Variants in SPDYE5 observed in about 807,000 individuals in gnomAD.
SPDYE5 encodes speedy/RINGO cell cycle regulator family member E5.
In SPDYE5, 15 loss-of-function variants were observed where a neutral mutation model predicts 48.5. The observed-to-expected ratio is 0.31, with a 90% CI of 0.21 to 0.48. The LOEUF (loss-of-function observed/expected upper bound fraction) is 0.48. SPDYE5 is among the 20% of genes least tolerant of loss of function. The probability of loss-of-function intolerance (pLI) is 0.99; values close to 1 mark genes in which losing one functional copy is unlikely to be tolerated. For missense variants in SPDYE5, 331 were observed against 549.1 expected, an observed-to-expected ratio of 0.60 and a Z score of 3.97; for synonymous variants, 116 against 200.7, an observed-to-expected ratio of 0.58 and a Z score of 3.57.
chr7:75,498,215 C>A, intron 5 of SPDYE5, among the ~76,000 whole-genome samples: 1 of 150,056 alleles, frequency 6.7e-6, no homozygotes, highest in Non-Finnish European at 1.5e-5. Flanking sequence ...GCCGATGCCT[C>A]CCGGGTTCAA....
chr7:75,494,171 C>T lies in SPDYE5; in HGVS notation c.124C>T (p.Gln42Ter). The change falls in exon 2 of 9, where the codon CAG becomes TAG. Residue 42 changes from glutamine (Q) to a stop codon, truncating the protein, a stop_gained. Transcript: ENST00000625065. LOFTEE classifies it high-confidence loss of function. The part of the protein sequence containing the change: ...PQRSTSGYPL[Q>*]EVVDDEVLGP... ...GCGGAGCACCTCGGGGTACCCCCTC[C>T]AGGAGGTGGTGGATGATGAAGTGTT... 6.5e-7 allele frequency: 1 copy of T among 1,535,058 alleles called. No homozygotes were observed. The highest frequency in any genetic ancestry group is 1.2e-5 in the South Asian group (1 of 83,962).
At chr7:75,500,721 A>T (rs1384581586) in intron 6 of SPDYE5, among the ~76,000 whole-genome samples, 1 of 151,926 alleles carries the variant, frequency 6.6e-6, no homozygotes, top group Non-Finnish European at 1.5e-5. Context: ...TGTTTGTTTG[A>T]TTATTGAGAT....
intron 6 of SPDYE5, among the ~76,000 whole-genome samples, chr7:75,499,766 C>CAA (rs1207603153): frequency 0.023 from 403 of 17,714 alleles, 12 homozygotes; most frequent in East Asian, 0.11. Flanking sequence ...GACTTTTTCT[C>CAA]AAAAAAAAAA....
intron 8 of SPDYE5, among the ~76,000 whole-genome samples, chr7:75,502,269 A>C (rs1793187436): frequency 7.2e-6 from 1 of 139,850 alleles, no homozygotes; most frequent in Non-Finnish European, 1.5e-5. Context: ...CCTCAAAAAT[A>C]ATCATAAATA....
At chr7:75,498,343 T>C (rs369126698) in intron 5 of SPDYE5, among the ~76,000 whole-genome samples, 1 of 151,880 alleles carries the variant, frequency 6.6e-6, no homozygotes, top group African/African-American at 2.4e-5. Context: ...AGGTTGGTCC[T>C]GAACACCTGA....
At chr7:75,491,775 C>A (rs1402961757), upstream of SPDYE5, among the ~76,000 whole-genome samples, 262 of 126,188 alleles carry the variant, frequency 2.1e-3, 2 homozygotes, top group African/African-American at 7.1e-3. Flanking sequence ...TGCAGTGATG[C>A]AATCTCGGCT....
intron 3 of SPDYE5, among the ~76,000 whole-genome samples, chr7:75,496,032 A>G (rs1334232352): frequency 2.0e-5 from 3 of 150,338 alleles, no homozygotes; most frequent in African/African-American, 4.9e-5. Flanking sequence ...AAAAAAAAAA[A>G]AAGAAGGAAG....
rs1230419483 is a variant in SPDYE5, at chr7:75,503,538, T to C, written c.*751T>C. The C allele has an allele frequency of 1.3e-5, 2 of 152,024 alleles. No homozygotes were observed. The highest frequency in any genetic ancestry group is 2.4e-5 in the African/African-American group (1 of 41,550). The allele number at this position is 152,024 out of a possible 1,614,324, so 9.4% of individuals were successfully genotyped here. On this transcript the variant is annotated 3_prime_UTR_variant, in exon 9 of 9. Coordinates refer to ENST00000625065, the MANE Select transcript of SPDYE5 (RefSeq NM_001306141.4). ...TCCTGAAGCGAGCACTCTTTTTATCTATGATACTTCCATAATAATCTCTTC... is the reference window on the plus strand; with the variant it reads ...TCCTGAAGCGAGCACTCTTTTTATCCATGATACTTCCATAATAATCTCTTC...
In SPDYE5 at chr7:75,501,614, G is replaced by C. The variant is rs782262479; in HGVS notation, c.1008G>C (p.Lys336Asn). 1.2e-6 allele frequency: 2 copies of C among 1,610,954 alleles called. No individual in the cohort carries two copies. Among genetic ancestry groups the C allele is most frequent in the Non-Finnish European group, 1.7e-6 (2 of 1,178,250 alleles). The change falls in exon 7 of 9, where the codon AAG becomes AAC. Residue 336 changes from lysine to asparagine, a missense_variant. By Grantham distance (94) the Lys-to-Asn change is moderately conservative (BLOSUM62 0). Coordinates refer to ENST00000625065, the MANE Select transcript of SPDYE5 (RefSeq NM_001306141.4). ...KNRSRIPLLR[K>N]RRFQLGRSMN... ...GCTCTCGCATACCCTTGCTCCGTAAGCGTCGGTTCCAGTTAGGCCGTTCCA... is the reference window on the plus strand; with the variant it reads ...GCTCTCGCATACCCTTGCTCCGTAACCGTCGGTTCCAGTTAGGCCGTTCCA...
Position 75,494,142 on chromosome 7 carries a change from C to A in SPDYE5, c.95C>A (p.Pro32His). 6.5e-7 allele frequency: 1 copy of A among 1,535,268 alleles called. No individual in the cohort carries two copies. The highest frequency in any genetic ancestry group is 8.7e-7 in the Non-Finnish European group (1 of 1,146,842). Residue 32 changes from proline to histidine, a missense_variant, in exon 2 of 9, where the codon CCC (proline) becomes CAC (histidine). Transcript: ENST00000625065. ...RQPQPQNEQS[P>H]QRSTSGYPLQ... The stretch of plus-strand genomic sequence containing the variant: ...CCGCAACCCCAGAATGAGCAGAGTC[C>A]CCAGCGGAGCACCTCGGGGTACCCC...
At position 75,499,604 on chromosome 7, in the gene SPDYE5, G is replaced by T. The variant is rs587762363; in HGVS notation, c.755+288G>T. On this transcript the variant is annotated intron_variant, in intron 6 of 8. Transcript: ENST00000625065. Reference sequence around the variant, plus strand: ...CAACATGGCCAAACCCCGTCTCTACGAAAAATAGAAAAATTAGCTGGGCGT... The same window carrying T: ...CAACATGGCCAAACCCCGTCTCTACTAAAAATAGAAAAATTAGCTGGGCGT... Among the ~76,000 whole-genome samples, 6 of 151,762 alleles carry T rather than the reference G, an allele frequency of 4.0e-5. No individual in the cohort carries two copies. In the South Asian group the frequency reaches 6.3e-4, roughly 16 times the overall value.
At chr7:75,492,806 A>T (rs587630961) in intron 1 of SPDYE5, among the ~76,000 whole-genome samples, 63 of 148,002 alleles carry the variant, frequency 4.3e-4, no homozygotes, top group East Asian at 1.9e-3. Flanking sequence ...ATCAAAAAAA[A>T]TTTTTTTGAC....
At chr7:75,500,659 T>G (rs1365467580) in intron 6 of SPDYE5, among the ~76,000 whole-genome samples, 3 of 151,884 alleles carry the variant, frequency 2.0e-5, no homozygotes, top group African/African-American at 7.3e-5. Context: ...TCAGCTTCTT[T>G]ATTAGCTCCG....
intron 1 of SPDYE5, among the ~76,000 whole-genome samples, chr7:75,492,827 G>A (rs1205036387): frequency 6.6e-6 from 1 of 151,998 alleles, no homozygotes; most frequent in Non-Finnish European, 1.5e-5. Flanking sequence ...ACAATATCTT[G>A]CTGTGTTGCC....
chr7:75,496,072 T>G (rs2116602697), intron 3 of SPDYE5, among the ~76,000 whole-genome samples: 1 of 135,300 alleles, frequency 7.4e-6, no homozygotes, highest in South Asian at 2.5e-4. Flanking sequence ...AAGGAGCACG[T>G]GAGGAGGGTG....
Position 75,496,657 on chromosome 7 carries a change from C to G in SPDYE5, c.380-17C>G, listed in dbSNP as rs782186864. The stretch of plus-strand genomic sequence containing the variant: ...AACTGCAGAAGCATTACACCATGGC[C>G]TGGTTTCTTTACTCAGCCCCTGGGG... On this transcript the variant is annotated splice_polypyrimidine_tract_variant and intron_variant, in intron 3 of 8. Coordinates refer to ENST00000625065, the MANE Select transcript of SPDYE5 (RefSeq NM_001306141.4). 3.1e-6 allele frequency: 5 copies of G among 1,597,518 alleles called. No homozygotes were observed. Among genetic ancestry groups the G allele is most frequent in the Admixed American group, 3.3e-5 (2 of 59,980 alleles).
In SPDYE5 at chr7:75,503,129, G is replaced by A; in HGVS notation, c.*342G>A. On this transcript the variant is annotated 3_prime_UTR_variant, in exon 9 of 9. Coordinates refer to ENST00000625065, the MANE Select transcript of SPDYE5 (RefSeq NM_001306141.4). ...TATATTGCTGAATTCCAACCTCCCT[G>A]GGGCGGAACCTGGAGGTCCTGTTTC... 4.3e-6 allele frequency: 2 copies of A among 466,802 alleles called. No homozygotes were observed. The highest frequency in any genetic ancestry group is 6.7e-5 in the East Asian group (1 of 15,012). 28.9% of individuals were successfully genotyped at this position (466,802 alleles called of 1,614,324 possible).
intron 6 of SPDYE5, among the ~76,000 whole-genome samples, chr7:75,500,516 G>C (rs1723655403): frequency 6.6e-6 from 1 of 151,348 alleles, no homozygotes; most frequent in South Asian, 2.1e-4. Flanking sequence ...GCAGGGTCCT[G>C]GCAAAATATC....
intron 6 of SPDYE5, among the ~76,000 whole-genome samples, chr7:75,499,530 G>T (rs1554483112): frequency 6.6e-6 from 1 of 151,972 alleles, no homozygotes. Context: ...ACTTTGGGAG[G>T]CCGAGGCAGG....
Sources: gnomAD v4.1 joint callset for allele counts (sites outside exome capture counted in the v4.1 genomes callset) on GRCh38, gnomAD v4.1.1 for gene constraint, MANE v1.5 for transcripts, NCBI Gene and HGNC (gene_info 2026-07-23, HGNC 2026-07-21) for gene names.